The following MAPK8IP3 variants were observed in gnomAD, a reference collection of about 807,000 sequenced individuals.
MAPK8IP3 encodes C-Jun-amino-terminal kinase-interacting protein 3.
A neutral mutation model predicts 157.8 loss-of-function variants in MAPK8IP3; 49 were observed. The ratio of observed to expected loss-of-function variants is 0.31; its 90% CI spans 0.25 to 0.39. MAPK8IP3 has a LOEUF of 0.39. Ranked by LOEUF, MAPK8IP3 falls within the 10% of genes least tolerant of loss-of-function variation. The pLI is 1.00. For synonymous variants in MAPK8IP3, 897 were observed against 777.7 expected, an observed-to-expected ratio of 1.15 and a Z score of -2.55; for missense variants, 1,478 against 1,889.4, an observed-to-expected ratio of 0.78 and a Z score of 4.04.
In MAPK8IP3 at chr16:1,706,760, C is replaced by A; in HGVS notation, c.318+103C>A. 1.6e-6 allele frequency: 2 copies of A among 1,284,146 alleles called. No homozygotes were observed. The highest frequency in any genetic ancestry group is 3.0e-5 in the Admixed American group (1 of 33,742). 79.5% of individuals were successfully genotyped at this position (1,284,146 alleles called of 1,614,324 possible). ...CCCGACCCCAGACCCCGCTCCGGCA[C>A]CCCGGACCGCGGGACCCCTGGACCC... is the stretch of plus-strand genomic sequence containing the variant. On this transcript the variant is annotated intron_variant, in intron 1 of 31. Transcript: ENST00000610761. The surrounding 1 kb of genome is among the most constrained non-coding windows in gnomAD (Gnocchi z 5.1).
chr16:1,757,728 G>A (rs895670418), intron 8 of MAPK8IP3, among the ~76,000 whole-genome samples: 1 of 152,168 alleles, frequency 6.6e-6, no homozygotes, highest in Admixed American at 6.5e-5. Flanking sequence ...CTGCGTCTGC[G>A]GTGTCTCCCT....
At chr16:1,764,961 A>C in intron 19 of MAPK8IP3, 52 bp from the exon 20 acceptor site, 3 of 1,561,468 alleles carry the variant, frequency 1.9e-6, no homozygotes, top group Non-Finnish European at 1.7e-6. Flanking sequence ...CTGTGCTGCC[A>C]CCGGGTAGCC....
chr16:1,713,137 C>T, intron 1 of MAPK8IP3, among the ~76,000 whole-genome samples: 1 of 152,226 alleles, frequency 6.6e-6, no homozygotes, highest in East Asian at 1.9e-4. Context: ...ACAGAACGTT[C>T]TGGGATGATG....
At chr16:1,740,838 T>C (rs2040630930) in intron 4 of MAPK8IP3, among the ~76,000 whole-genome samples, 1 of 152,192 alleles carries the variant, frequency 6.6e-6, no homozygotes, top group African/African-American at 2.4e-5. Context: ...CTGTGGCAGA[T>C]GTGAGAGGTC....
Position 1,768,734 on chromosome 16 carries a change from C to T in MAPK8IP3, c.3924C>T (p.Gly1308=), listed in dbSNP as rs957816948. The T allele has an allele frequency of 9.9e-6, 16 of 1,612,598 alleles. No homozygotes were observed. Among genetic ancestry groups the T allele is most frequent in the African/African-American group, 6.7e-5 (5 of 74,878 alleles). The change falls in exon 32 of 32, where the codon GGC becomes GGT. Residue 1308 remains glycine, a synonymous_variant. Transcript: ENST00000610761. ...GAGAGGACGACGAGACGGAGGAGGG[C>T]GCAGGGGACATGAGCCAGGTGAAGC... is the stretch of plus-strand genomic sequence containing the variant. ...GDGEDDETEE[G]AGDMSQVKPV...
At chr16:1,715,422 C>T (rs373935402) in intron 1 of MAPK8IP3, among the ~76,000 whole-genome samples, 1 of 152,314 alleles carries the variant, frequency 6.6e-6, no homozygotes, top group African/African-American at 2.4e-5. Context: ...TGACTGCCCC[C>T]TGCCAGCCCA....
rs1217046084 is a variant in MAPK8IP3, at chr16:1,764,115, C to A, written c.2026C>A (p.Leu676Met). 1.9e-6 allele frequency: 3 copies of A among 1,606,650 alleles called. No homozygotes were observed. The highest frequency in any genetic ancestry group is 1.3e-5 in the African/African-American group (1 of 74,836). Residue 676 changes from leucine to methionine, a missense_variant and splice_region_variant, in exon 18 of 32, where the codon CTG becomes ATG. Physicochemically the swap from Leu to Met is conservative, Grantham distance 15. Around this residue, in one of 11 missense-constraint regions of MAPK8IP3, gnomAD observed 669 missense variants for 759.8 expected, o/e 0.88. Coordinates refer to ENST00000610761, the MANE Select transcript of MAPK8IP3 (RefSeq NM_001318852.2). Reference sequence around the variant, plus strand: ...CACGGCGCCTCCCTGCTCCCTGCAGCTGAGTCCCAACGGGGGCCAGGAGGA... The same window carrying A: ...CACGGCGCCTCCCTGCTCCCTGCAGATGAGTCCCAACGGGGGCCAGGAGGA... ...GWSLPAKYKQ[L>M]SPNGGQEDTR...
intron 10 of MAPK8IP3, among the ~76,000 whole-genome samples, 188 bp from the exon 11 acceptor site, chr16:1,759,770 C>G (rs1487191767): frequency 6.6e-6 from 1 of 152,246 alleles, no homozygotes; most frequent in African/African-American, 2.4e-5. Flanking sequence ...GGCCTGGGAG[C>G]CTGCTCTGTG....
At chr16:1,728,229 T>C (rs2039025297) in intron 2 of MAPK8IP3, among the ~76,000 whole-genome samples, 1 of 152,208 alleles carries the variant, frequency 6.6e-6, no homozygotes, top group Admixed American at 6.5e-5. Flanking sequence ...GAGGCCCGTG[T>C]TGGTGTCACG....
rs2042474963 is a variant in MAPK8IP3 at position 1,769,340 on chromosome 16, G to A, written c.*516G>A. ...GGGAGGTGGGCCTCAGGCTGCCCAG[G>A]TGCCTGCACCCCAGCCGGCCTTCTC... On this transcript the variant is annotated 3_prime_UTR_variant, in exon 32 of 32. Transcript: ENST00000610761. The A allele has an allele frequency of 6.2e-6, 1 of 160,236 alleles. No homozygotes were observed. The highest frequency in any genetic ancestry group is 1.8e-4 in the South Asian group (1 of 5,680). 9.9% of individuals were successfully genotyped at this position (160,236 alleles called of 1,614,324 possible). A position where few individuals can be genotyped will look rare whatever the true frequency, so the allele number is the denominator to read the frequency against.
At position 1,767,142 on chromosome 16, in the gene MAPK8IP3, C is replaced by A. The variant is rs771053174; in HGVS notation, c.3089-7C>A. The A allele has an allele frequency of 1.2e-6, 2 of 1,612,898 alleles. No homozygotes were observed. The highest frequency in any genetic ancestry group is 1.7e-6 in the Non-Finnish European group (2 of 1,179,902). ...AGGCCTGAGCAGGTGTCCGGGGCTC[C>A]CTCCAGATGGCCAGTGGGATCTGAG... is the stretch of plus-strand genomic sequence containing the variant. On this transcript the variant is annotated splice_polypyrimidine_tract_variant and splice_region_variant and intron_variant, in intron 25 of 31. Coordinates refer to ENST00000610761, the MANE Select transcript of MAPK8IP3 (RefSeq NM_001318852.2).
intron 8 of MAPK8IP3, 42 bp downstream of exon 8, chr16:1,748,762 G>A: frequency 6.6e-7 from 1 of 1,524,092 alleles, no homozygotes; most frequent in Non-Finnish European, 9.1e-7. Context: ...CCTGCACAAT[G>A]CTGGGGCTTT....
At chr16:1,736,796 C>T (rs2039919100) in intron 4 of MAPK8IP3, among the ~76,000 whole-genome samples, 1 of 48,764 alleles carries the variant, frequency 2.1e-5, no homozygotes, top group Non-Finnish European at 3.4e-5. Context: ...GTGTGACCGT[C>T]CGTGTGAGCG....
chr16:1,715,508 C>T (rs1035586871), intron 1 of MAPK8IP3, among the ~76,000 whole-genome samples: 3 of 152,134 alleles, frequency 2.0e-5, no homozygotes, highest in African/African-American at 7.2e-5. Flanking sequence ...GGCACGTGCC[C>T]GGCACCTGTC....
intron 16 of MAPK8IP3, 58 bp downstream of exon 16, chr16:1,763,064 T>C: frequency 6.3e-7 from 1 of 1,595,062 alleles, no homozygotes; most frequent in South Asian, 1.1e-5. Context: ...GGCCCTGTCC[T>C]GAGGCTCCTC....
At chr16:1,736,242 G>C (rs961923896) in intron 4 of MAPK8IP3, among the ~76,000 whole-genome samples, 1 of 105,012 alleles carries the variant, frequency 9.5e-6, no homozygotes, top group Non-Finnish European at 1.9e-5. Context: ...GCATCCGTGT[G>C]AGCGTGTGAC....
intron 8 of MAPK8IP3, among the ~76,000 whole-genome samples, chr16:1,755,968 C>T (rs543435642): frequency 5.3e-5 from 8 of 152,172 alleles, no homozygotes; most frequent in Admixed American, 2.0e-4. Flanking sequence ...AACTTTTTCC[C>T]TAAAAGATTG....
In MAPK8IP3 at chr16:1,768,457, A is replaced by G; in HGVS notation, c.3743-20A>G. 6.3e-7 allele frequency: 1 copy of G among 1,581,912 alleles called. No homozygotes were observed. Among genetic ancestry groups the G allele is most frequent in the South Asian group, 1.1e-5 (1 of 89,106 alleles). On this transcript the variant is annotated intron_variant, in intron 30 of 31. Coordinates refer to ENST00000610761, the MANE Select transcript of MAPK8IP3 (RefSeq NM_001318852.2). ...CCTCCCCCAGGAGGCCGCTGTCCTGAATCGCTTCTGCCATCCCAGGGAACG... is the reference window on the plus strand; with the variant it reads ...CCTCCCCCAGGAGGCCGCTGTCCTGGATCGCTTCTGCCATCCCAGGGAACG...
chr16:1,758,394 G>A (rs1336768170), intron 9 of MAPK8IP3, among the ~76,000 whole-genome samples: 2 of 152,064 alleles, frequency 1.3e-5, no homozygotes, highest in African/African-American at 4.8e-5. Context: ...GTCCCCCGCG[G>A]GCCATTTCTG....
Sources: allele counts gnomAD v4.1 joint callset (sites outside exome capture counted in the v4.1 genomes callset), GRCh38; gene constraint gnomAD v4.1.1; regional missense constraint gnomAD v4.1.1; non-coding constraint Gnocchi (gnomAD v3.1); transcripts MANE v1.5; gene names NCBI Gene and HGNC (gene_info 2026-07-23, HGNC 2026-07-21).